COL5A3: variants seen among roughly 807,000 people sequenced by gnomAD.
COL5A3 encodes collagen alpha-3(V) chain.
Under a neutral mutation model 250.0 loss-of-function variants are expected in COL5A3, and 172 were observed. The observed-to-expected ratio is 0.69, with a 90% CI of 0.61 to 0.78. COL5A3 has a LOEUF of 0.78. Among genes scored for constraint, COL5A3 ranks in the 30% least tolerant of loss-of-function variants. COL5A3 has a pLI of 0.00. For synonymous variants in COL5A3, 937 were observed against 900.4 expected, an observed-to-expected ratio of 1.04 and a Z score of -0.73; for missense variants, 2,340 against 2,334.4, an observed-to-expected ratio of 1.00 and a Z score of -0.05.
rs1016943716 is a variant in COL5A3 at position 9,968,335 on chromosome 19, C to T, written c.4314+50G>A. The T allele has an allele frequency of 7.0e-7, 1 of 1,431,936 alleles. No homozygotes were observed. The allele number at this position is 1,431,936 out of a possible 1,614,324, so 88.7% of individuals were successfully genotyped here. The stretch of plus-strand genomic sequence containing the variant: ...AGACCCCACACCCACAGTCTCTCAA[C>T]CGACCCCCTCCTTCAAATGCATTCT... On this transcript the variant is annotated intron_variant, in intron 59 of 66. Coordinates refer to ENST00000264828, the MANE Select transcript of COL5A3 (RefSeq NM_015719.4). The surrounding 1 kb of genome is among the most constrained non-coding windows in gnomAD (Gnocchi z 4.1).
Position 10,001,840 on chromosome 19 carries a change from A to G in COL5A3, c.891T>C (p.Asn297=), listed in dbSNP as rs749171984. Reference sequence around the variant, plus strand: ...CCAAAGGCGTGGGGGTCGGAGGCAGATTTGGAGCTGGAGTCTCTGTCTTGG... The same window carrying G: ...CCAAAGGCGTGGGGGTCGGAGGCAGGTTTGGAGCTGGAGTCTCTGTCTTGG... ...DIPKTETPAP[N]LPPTPTPLVV... is the part of the protein sequence containing the mutation. The change falls in exon 7 of 67, where the codon AAT becomes AAC. Residue 297 remains asparagine, a synonymous_variant. Coordinates refer to ENST00000264828, the MANE Select transcript of COL5A3 (RefSeq NM_015719.4). 2 of 1,614,096 alleles carry G rather than the reference A, an allele frequency of 1.2e-6. No individual in the cohort carries two copies. Among genetic ancestry groups the G allele is most frequent in the Non-Finnish European group, 1.7e-6 (2 of 1,179,992 alleles).
At chr19:10,006,038 C>T in intron 2 of COL5A3, 35 bp downstream of exon 2, 2 of 1,611,418 alleles carry the variant, frequency 1.2e-6, no homozygotes, top group Non-Finnish European at 1.7e-6. Flanking sequence ...GTGCCTCCCT[C>T]CGGGGAGGTA....
chr19:9,974,425 A>T lies in COL5A3; in HGVS notation c.3343-17T>A. ...GTCTGCTCCCTGGAAGAACACAAAC[A>T]GGGGCACATTTAAGGTCTGGGTCAG... On this transcript the variant is annotated splice_polypyrimidine_tract_variant and intron_variant, in intron 45 of 66. Transcript: ENST00000264828. 6.4e-7 allele frequency: 1 copy of T among 1,557,788 alleles called. No individual in the cohort carries two copies. The highest frequency in any genetic ancestry group is 8.7e-7 in the Non-Finnish European group (1 of 1,152,936).
intron 44 of COL5A3, 86 bp downstream of exon 44, chr19:9,977,143 C>T (rs1471656757): frequency 5.3e-6 from 7 of 1,315,088 alleles, no homozygotes; most frequent in Non-Finnish European, 6.6e-6. Context: ...GCCTCTCCTA[C>T]CCCATGGAGA....
intron 32 of COL5A3, among the ~76,000 whole-genome samples, chr19:9,981,451 C>T (rs1483830196): frequency 6.6e-6 from 1 of 152,178 alleles, no homozygotes; most frequent in East Asian, 1.9e-4. Context: ...TGGCAATCCA[C>T]AGCCTGAAGA....
intron 61 of COL5A3, 47 bp from the exon 62 acceptor site, chr19:9,967,447 C>A: frequency 7.2e-7 from 1 of 1,379,324 alleles, no homozygotes; most frequent in Non-Finnish European, 9.8e-7. Flanking sequence ...TATGGAGACC[C>A]TTCCCACCAA....
intron 64 of COL5A3, among the ~76,000 whole-genome samples, chr19:9,965,228 C>T (rs1015866889): frequency 2.3e-4 from 34 of 148,310 alleles, no homozygotes; most frequent in African/African-American, 8.0e-4. Context: ...GATCTCGGCT[C>T]ACTGCAAGCT....
chr19:9,979,272 G>T, intron 38 of COL5A3, 33 bp from the exon 39 acceptor site: 1 of 1,599,478 alleles, frequency 6.3e-7, no homozygotes, highest in South Asian at 1.1e-5. Flanking sequence ...TTGAGTGGGG[G>T]TGGCCTAGGG....
Position 9,977,461 on chromosome 19 carries a change from G to T in COL5A3, c.3138C>A (p.Gly1046=), listed in dbSNP as rs751164972. The change falls in exon 43 of 67, where the codon GGC becomes GGA. Residue 1046 remains glycine (G), a synonymous_variant. Coordinates refer to ENST00000264828, the MANE Select transcript of COL5A3 (RefSeq NM_015719.4). The part of the protein sequence containing the change: ...AGKKGSRGER[G]PPGPTGKDGI... ...CATCTTTGCCAGTGGGGCCAGGGGG[G>T]CCACGTTCTCCCTGTTGTGGGGAAT... The T allele has an allele frequency of 4.6e-6, 7 of 1,518,160 alleles. No individual in the cohort carries two copies. The highest frequency in any genetic ancestry group is 2.7e-5 in the South Asian group (2 of 75,252). 94.0% of individuals were successfully genotyped at this position (1,518,160 alleles called of 1,614,324 possible).
chr19:9,997,959 A>G (rs66508928), intron 10 of COL5A3, 25 bp downstream of exon 10: 113,491 of 1,613,158 alleles, frequency 0.07, 5,196 homozygotes, highest in African/African-American at 0.22. Context: ...AAAGACTGGA[A>G]GAAGGAAACA....
chr19:9,986,217 C>A (rs919799997), intron 30 of COL5A3, 98 bp downstream of exon 30: 5 of 829,064 alleles, frequency 6.0e-6, no homozygotes, highest in Non-Finnish European at 9.4e-6. Context: ...TTGGTAGCAA[C>A]CTCCTGAGGT....
At position 9,995,968 on chromosome 19, in the gene COL5A3, C is replaced by G. The variant is rs1599221685; in HGVS notation, c.1533+98G>C. On this transcript the variant is annotated intron_variant, in intron 15 of 66. Coordinates refer to ENST00000264828, the MANE Select transcript of COL5A3 (RefSeq NM_015719.4). ...GAAAGTCATCAATTGCAAGGGTATC[C>G]CCAGCCCCTTTGGCACTTTCCCCAT... The G allele has an allele frequency of 2.4e-5, 29 of 1,209,656 alleles. No individual in the cohort carries two copies. In the East Asian group the frequency reaches 7.2e-4, roughly 30 times the overall value. The allele number at this position is 1,209,656 out of a possible 1,614,324, so 74.9% of individuals were successfully genotyped here.
chr19:9,982,204 T>C, intron 31 of COL5A3, 86 bp from the exon 32 acceptor site: 1 of 883,764 alleles, frequency 1.1e-6, no homozygotes, highest in African/African-American at 1.7e-5. Context: ...CTTTGAGGCA[T>C]TTCCAGGTCA....
intron 10 of COL5A3, among the ~76,000 whole-genome samples, 189 bp downstream of exon 10, chr19:9,997,795 G>A (rs2087294132): frequency 6.6e-6 from 1 of 151,970 alleles, no homozygotes; most frequent in Non-Finnish European, 1.5e-5. Context: ...TAAAGAGATG[G>A]GGTCTTGCTA....
At chr19:9,985,776 AC>A in intron 31 of COL5A3, 65 bp downstream of exon 31, 1 of 1,430,916 alleles carries the variant, frequency 7.0e-7, no homozygotes, top group Non-Finnish European at 9.8e-7. Flanking sequence ...CACAGCCTGG[AC>A]CCCCAGATGT....
chr19:10,005,531 C>G (rs1465220017), intron 4 of COL5A3, 27 bp downstream of exon 4: 2 of 1,612,048 alleles, frequency 1.2e-6, no homozygotes, highest in Non-Finnish European at 1.7e-6. Flanking sequence ...CCCTCTGCCT[C>G]AGTTTCCCCC....
At position 10,001,801 on chromosome 19, in the gene COL5A3, A is replaced by G. The variant is rs1173145495; in HGVS notation, c.930T>C (p.Thr310=). Residue 310 remains threonine, a synonymous_variant, in exon 7 of 67, where the codon ACT becomes ACC. Transcript: ENST00000264828. ...TCGTGGCATTGAGTCCAGTAGTCAC[A>G]GTGGAGGTGACGACCAAAGGCGTGG... ...PTPTPLVVTS[T]VTTGLNATIL... is the part of the protein sequence containing the mutation. 1 of 1,614,052 alleles carries G rather than the reference A, an allele frequency of 6.2e-7. No homozygotes were observed. Among genetic ancestry groups the G allele is most frequent in the East Asian group, 2.2e-5 (1 of 44,866 alleles).
chr19:9,966,844 CA>C, intron 62 of COL5A3, 98 bp from the exon 63 acceptor site: 1 of 921,526 alleles, frequency 1.1e-6, no homozygotes, highest in East Asian at 2.7e-5. Context: ...CAGACAGACA[CA>C]AATGAGAAAG....
chr19:9,969,620 A>T lies in COL5A3; in HGVS notation c.4053T>A (p.Pro1351=), dbSNP rs377142701. Residue 1351 remains proline (P), a synonymous_variant, in exon 56 of 67, where the codon CCT becomes CCA. Transcript: ENST00000264828. ...RTGPMGARGP[P]GRVGPEGLRG... is the part of the protein sequence containing the mutation. ...GAAGACCCTCAGGCCCCACACGTCCAGGGGGCCCTCTAGCCCCCATTGGAC... is the reference window on the plus strand; with the variant it reads ...GAAGACCCTCAGGCCCCACACGTCCTGGGGGCCCTCTAGCCCCCATTGGAC... 1 of 1,600,944 alleles carries T rather than the reference A, an allele frequency of 6.2e-7. No homozygotes were observed. Among genetic ancestry groups the T allele is most frequent in the African/African-American group, 1.4e-5 (1 of 74,006 alleles).
Sources: allele counts gnomAD v4.1 joint callset (sites outside exome capture counted in the v4.1 genomes callset), GRCh38; gene constraint gnomAD v4.1.1; non-coding constraint Gnocchi (gnomAD v3.1); transcripts MANE v1.5; gene names NCBI Gene and HGNC (gene_info 2026-07-23, HGNC 2026-07-21).